Variants in TMEM266 observed in about 807,000 individuals in gnomAD.
TMEM266 encodes Hv1 related protein 1.
TMEM266 carries 33 observed loss-of-function variants against 50.5 expected under a neutral mutation model. The observed-to-expected ratio is 0.65, with a 90% confidence interval of 0.50 to 0.87. TMEM266 has a LOEUF of 0.87. TMEM266 is among the 40% of genes least tolerant of loss of function. The probability of loss-of-function intolerance (pLI) is 0.00; values close to 1 mark genes in which losing one functional copy is unlikely to be tolerated. For synonymous variants in TMEM266, 310 were observed against 292.3 expected (o/e 1.06, Z -0.62); for missense variants, 655 against 695.1 (o/e 0.94, Z 0.65).
intron 1 of TMEM266, among the ~76,000 whole-genome samples, chr15:76,079,250 G>A (rs959259854): frequency 3.3e-5 from 5 of 151,674 alleles, no homozygotes; most frequent in Middle Eastern, 3.2e-3. Context: ...CTACTCGGGA[G>A]GCTGAGGCTG....
intron 4 of TMEM266, among the ~76,000 whole-genome samples, chr15:76,159,576 A>G (rs1413451640): frequency 6.6e-6 from 1 of 151,902 alleles, no homozygotes; most frequent in Non-Finnish European, 1.5e-5. Context: ...TCTAAAACAC[A>G]CTGGCCGACA....
intron 1 of TMEM266, among the ~76,000 whole-genome samples, chr15:76,066,101 AT>A (rs1567137867): frequency 6.6e-6 from 1 of 152,250 alleles, no homozygotes; most frequent in African/African-American, 2.4e-5. Flanking sequence ...CTTTTAAAAA[AT>A]ATCTTCCTCA....
chr15:76,185,385 C>T (rs2038477976), intron 8 of TMEM266, among the ~76,000 whole-genome samples: 1 of 152,112 alleles, frequency 6.6e-6, no homozygotes, highest in Non-Finnish European at 1.5e-5. Context: ...CTTCAACAAC[C>T]CTACTACGTC....
chr15:76,146,481 G>T (rs2037758642), intron 3 of TMEM266, among the ~76,000 whole-genome samples: 1 of 152,172 alleles, frequency 6.6e-6, no homozygotes. Flanking sequence ...TTCGGGTCTT[G>T]GGCAGATATA....
intron 3 of TMEM266, among the ~76,000 whole-genome samples, chr15:76,144,545 C>A: frequency 6.6e-6 from 1 of 152,184 alleles, no homozygotes; most frequent in Non-Finnish European, 1.5e-5. Context: ...GGAAAGCTAC[C>A]CCCATGCCAA....
At chr15:76,197,986 A>G (rs2142088162) in intron 9 of TMEM266, among the ~76,000 whole-genome samples, 1 of 152,314 alleles carries the variant, frequency 6.6e-6, no homozygotes, top group East Asian at 1.9e-4. Context: ...GGGTTTGCAA[A>G]GTGCTCACAC....
At chr15:76,081,577 G>C (rs532787275) in intron 1 of TMEM266, among the ~76,000 whole-genome samples, 23 of 152,348 alleles carry the variant, frequency 1.5e-4, no homozygotes, top group Admixed American at 9.1e-4. Flanking sequence ...TCGCGGTTGA[G>C]TCCTTTGGAC....
At chr15:76,067,976 C>T (rs936297907) in intron 1 of TMEM266, among the ~76,000 whole-genome samples, 4 of 152,176 alleles carry the variant, frequency 2.6e-5, no homozygotes, top group African/African-American at 9.7e-5. Context: ...AGACAGCACT[C>T]GCAGGTGCTG....
At chr15:76,198,120 T>C (rs2142088296) in intron 9 of TMEM266, among the ~76,000 whole-genome samples, 1 of 152,226 alleles carries the variant, frequency 6.6e-6, no homozygotes. Context: ...TCAGGGACTC[T>C]TTCCAGTTCA....
intron 5 of TMEM266, among the ~76,000 whole-genome samples, chr15:76,164,056 C>T (rs146152416): frequency 2.3e-4 from 35 of 152,350 alleles, no homozygotes; most frequent in African/African-American, 8.4e-4. Context: ...GCCCCCTATA[C>T]GGCCGCCCTG....
At chr15:76,133,795 G>A (rs959861177) in intron 1 of TMEM266, among the ~76,000 whole-genome samples, 1 of 152,192 alleles carries the variant, frequency 6.6e-6, no homozygotes, top group Non-Finnish European at 1.5e-5. Flanking sequence ...AAACATTTGA[G>A]ATTTTTTAGA....
intron 1 of TMEM266, among the ~76,000 whole-genome samples, chr15:76,124,078 A>G (rs2037383869): frequency 6.6e-6 from 1 of 152,196 alleles, no homozygotes. Flanking sequence ...CCAGCTGCCT[A>G]TTGGCCCAGG....
chr15:76,060,075 T>G (rs2036263923), intron 1 of TMEM266, 59 bp downstream of exon 1: 1 of 124,076 alleles, frequency 8.1e-6, no homozygotes, highest in Non-Finnish European at 1.7e-5. Context: ...GCCCGAGTCT[T>G]GTGGTCGGGG....
At chr15:76,179,468 A>T (rs568336999) in intron 8 of TMEM266, among the ~76,000 whole-genome samples, 17 of 152,336 alleles carry the variant, frequency 1.1e-4, no homozygotes, top group African/African-American at 4.1e-4. Context: ...GCATAGAACC[A>T]GGTGTCCTAA....
chr15:76,173,468 A>AC (rs1273077539), intron 7 of TMEM266, among the ~76,000 whole-genome samples: 9 of 152,186 alleles, frequency 5.9e-5, no homozygotes, highest in Non-Finnish European at 1.3e-4. Flanking sequence ...CCACAGAACC[A>AC]CCAAGGGAGG....
chr15:76,089,350 G>A (rs1218568857), intron 1 of TMEM266, among the ~76,000 whole-genome samples: 1 of 151,584 alleles, frequency 6.6e-6, no homozygotes, highest in Non-Finnish European at 1.5e-5. Flanking sequence ...CCGCCACCAC[G>A]CCCGGCTAAT....
At chr15:76,113,550 G>T (rs16967858) in intron 1 of TMEM266, 18,240 of 152,330 alleles carry the variant, frequency 0.12, 1,404 homozygotes, top group Middle Eastern at 0.21. Context: ...ACCTCTGCAG[G>T]TTTGAGTCAG....
chr15:76,191,546 C>T (rs1197538690), intron 8 of TMEM266: 1 of 155,044 alleles, frequency 6.4e-6, no homozygotes, highest in African/African-American at 2.4e-5. Flanking sequence ...GACGGGGGCC[C>T]TGGGTGTCCT....
At chr15:76,132,348 A>G (rs2037521472) in intron 1 of TMEM266, among the ~76,000 whole-genome samples, 1 of 151,654 alleles carries the variant, frequency 6.6e-6, no homozygotes. Flanking sequence ...TGACCTCATG[A>G]TCCACCCGCC....
Sources: allele counts gnomAD v4.1 joint callset (sites outside exome capture counted in the v4.1 genomes callset), GRCh38; gene constraint gnomAD v4.1.1; transcripts MANE v1.5; gene names NCBI Gene and HGNC (gene_info 2026-07-23, HGNC 2026-07-21).